ARL15: variants seen among roughly 807,000 people sequenced by gnomAD.
ARL15 encodes the protein ARF like GTPase 15, also known as ADP-ribosylation factor-like protein 15.
ARL15 carries 19 observed loss-of-function variants against 25.2 expected under a neutral mutation model. That is an observed-to-expected ratio of 0.75 (90% CI 0.53 to 1.10). The LOEUF (loss-of-function observed/expected upper bound fraction) is 1.10. Among genes scored for constraint, ARL15 ranks in the 50% least tolerant of loss-of-function variants. The pLI, the probability that ARL15 is intolerant of heterozygous loss-of-function variation, is 0.00. For synonymous variants in ARL15, 94 were observed against 86.8 expected (o/e 1.08, Z -0.46); for missense variants, 220 against 246.0 (o/e 0.89, Z 0.71).
chr5:53,935,710 A>T (rs1248851402), intron 4 of ARL15, among the ~76,000 whole-genome samples: 1 of 152,234 alleles, frequency 6.6e-6, no homozygotes, highest in African/African-American at 2.4e-5. Flanking sequence ...AGTAAACAAC[A>T]ACAACCACAG....
chr5:54,020,918 G>A (rs968824359), intron 4 of ARL15, among the ~76,000 whole-genome samples: 1 of 151,970 alleles, frequency 6.6e-6, no homozygotes, highest in Non-Finnish European at 1.5e-5. Context: ...TAGCACCATT[G>A]CACTCCAGCC....
chr5:54,007,053 A>G (rs1749068003), intron 4 of ARL15, among the ~76,000 whole-genome samples: 1 of 152,176 alleles, frequency 6.6e-6, no homozygotes, highest in Non-Finnish European at 1.5e-5. Flanking sequence ...TCAAAAAAAT[A>G]AAGTTAGGTG....
At chr5:54,214,757 T>G (rs1402876340) in intron 1 of ARL15, among the ~76,000 whole-genome samples, 1 of 152,120 alleles carries the variant, frequency 6.6e-6, no homozygotes, top group East Asian at 1.9e-4. Context: ...TGGGTCATAT[T>G]TATTTATTTA....
At chr5:54,166,942 T>C (rs958517919) in intron 2 of ARL15, among the ~76,000 whole-genome samples, 2 of 131,622 alleles carry the variant, frequency 1.5e-5, no homozygotes, top group Admixed American at 7.4e-5. Context: ...CTATACAGCT[T>C]TGTGCTGAGA....
At chr5:53,890,423 C>G (rs1317214188) in intron 4 of ARL15, among the ~76,000 whole-genome samples, 1 of 152,142 alleles carries the variant, frequency 6.6e-6, no homozygotes, top group Non-Finnish European at 1.5e-5. Flanking sequence ...TTAAAAATGA[C>G]TGAAGAGAAC....
intron 1 of ARL15, among the ~76,000 whole-genome samples, chr5:54,180,820 C>T (rs975553285): frequency 1.3e-5 from 2 of 152,178 alleles, no homozygotes; most frequent in African/African-American, 4.8e-5. Flanking sequence ...CCTATTAACT[C>T]GTGGCAACAA....
At chr5:54,161,838 C>A (rs148513629) in intron 2 of ARL15, among the ~76,000 whole-genome samples, 1 of 152,092 alleles carries the variant, frequency 6.6e-6, no homozygotes, top group Admixed American at 6.5e-5. Flanking sequence ...GAGGCCTAGT[C>A]CAGCTATTCT....
intron 4 of ARL15, among the ~76,000 whole-genome samples, chr5:53,940,449 TAATC>T (rs1325558949): frequency 6.6e-6 from 1 of 152,216 alleles, no homozygotes; most frequent in Admixed American, 6.5e-5. Context: ...TTAAGAGTAG[TAATC>T]AAAGTTCCAA....
chr5:54,147,118 T>C (rs528515201), intron 3 of ARL15, among the ~76,000 whole-genome samples: 4 of 152,252 alleles, frequency 2.6e-5, no homozygotes, highest in Non-Finnish European at 4.4e-5. Flanking sequence ...CAATATCATT[T>C]CCCCTAGTAT....
At chr5:54,238,681 T>C (rs1284618293) in intron 1 of ARL15, among the ~76,000 whole-genome samples, 1 of 152,152 alleles carries the variant, frequency 6.6e-6, no homozygotes. Context: ...AGAAAAACCT[T>C]GAGTAAAAGT....
chr5:53,955,505 T>G lies in ARL15; in HGVS notation c.463-68792A>C, dbSNP rs115171462. ...TACAATTTAAAGTAGGGCAGGAAAGTGATGTTAGCAAAAATGGCAGAGTAG... is the reference window on the plus strand; with the variant it reads ...TACAATTTAAAGTAGGGCAGGAAAGGGATGTTAGCAAAAATGGCAGAGTAG... On this transcript the variant is annotated intron_variant, in intron 4 of 4. Transcript: ENST00000504924. Among the ~76,000 whole-genome samples the G allele has an allele frequency of 4.9e-3, 750 of 152,272 alleles. 2 individuals carry two copies. Among genetic ancestry groups the G allele is most frequent in the Admixed American group, 9.1e-3 (139 of 15,300 alleles).
At chr5:54,174,446 G>A (rs1288995266) in intron 1 of ARL15, among the ~76,000 whole-genome samples, 1 of 152,064 alleles carries the variant, frequency 6.6e-6, no homozygotes, top group East Asian at 1.9e-4. Context: ...CTTTTCCTCT[G>A]TTCTCAAGAG....
At chr5:53,921,224 G>A (rs1008423422) in intron 4 of ARL15, among the ~76,000 whole-genome samples, 2 of 152,148 alleles carry the variant, frequency 1.3e-5, no homozygotes, top group Admixed American at 6.5e-5. Flanking sequence ...GGCTCAGAGA[G>A]GTAAGTCACT....
intron 4 of ARL15, among the ~76,000 whole-genome samples, chr5:54,080,064 CCTT>C (rs1751748053): frequency 6.6e-6 from 1 of 151,566 alleles, no homozygotes; most frequent in Non-Finnish European, 1.5e-5. Flanking sequence ...TAGGAAATGA[CCTT>C]CTATGAATGC....
chr5:54,121,248 A>T (rs940825483), intron 3 of ARL15, among the ~76,000 whole-genome samples: 5 of 152,058 alleles, frequency 3.3e-5, no homozygotes, highest in African/African-American at 1.2e-4. Flanking sequence ...ATATGACTGC[A>T]CTCACATTTG....
intron 1 of ARL15, among the ~76,000 whole-genome samples, chr5:54,255,636 T>C (rs1470879696): frequency 6.6e-6 from 1 of 152,202 alleles, no homozygotes; most frequent in Non-Finnish European, 1.5e-5. Flanking sequence ...CAAAACTTTT[T>C]GAGCGCTAAC....
intron 4 of ARL15, among the ~76,000 whole-genome samples, chr5:54,052,673 A>G (rs1293079522): frequency 1.3e-5 from 2 of 152,184 alleles, no homozygotes; most frequent in African/African-American, 2.4e-5. Context: ...GTATGAACTC[A>G]TATTTAGTTT....
intron 3 of ARL15, among the ~76,000 whole-genome samples, chr5:54,117,364 G>GACACAT (rs989319645): frequency 1.1e-5 from 1 of 90,982 alleles, no homozygotes; most frequent in Non-Finnish European, 2.0e-5. Flanking sequence ...CAAATAGTGA[G>GACACAT]ACACATACAC....
rs570450250 is a variant in ARL15 at position 54,208,961 on chromosome 5, AAG to A, written c.49-37035_49-37034del. Among the ~76,000 whole-genome samples the A allele has an allele frequency of 4.9e-4, 74 of 152,356 alleles. 1 individual carries two copies. The highest frequency in any genetic ancestry group is 4.4e-3 in the East Asian group (23 of 5,192). ...TATGAAGAGGAGATTTATACAACTC[AAG>A]AGAGACAGAATATTGACTGAATGAT... On this transcript the variant is annotated intron_variant, in intron 1 of 4. Transcript: ENST00000504924.
Sources: gnomAD v4.1 joint callset for allele counts (sites outside exome capture counted in the v4.1 genomes callset) on GRCh38, gnomAD v4.1.1 for gene constraint, MANE v1.5 for transcripts, NCBI Gene and HGNC (gene_info 2026-07-23, HGNC 2026-07-21) for gene names.